Variants in SLC18B1 observed in about 807,000 individuals in gnomAD.
SLC18B1 encodes MFS-type transporter SLC18B1.
A neutral mutation model predicts 53.9 loss-of-function variants in SLC18B1; 62 were observed. That is an observed-to-expected ratio of 1.15 (90% CI 0.94 to 1.42). SLC18B1 has a LOEUF of 1.42. Ranked by LOEUF, SLC18B1 falls within the 40% of genes most tolerant of loss-of-function variation. The probability of loss-of-function intolerance (pLI) is 0.00; values close to 1 mark genes in which losing one functional copy is unlikely to be tolerated. For missense variants in SLC18B1, 598 were observed against 547.3 expected, an observed-to-expected ratio of 1.09 and a Z score of -0.93; for synonymous variants, 217 against 200.9, an observed-to-expected ratio of 1.08 and a Z score of -0.68.
chr6:132,789,389 C>T (rs527748082), intron 4 of SLC18B1: 69 of 163,874 alleles, frequency 4.2e-4, no homozygotes, highest in African/African-American at 1.6e-3. Flanking sequence ...AAAAATTTCT[C>T]GTGACATCGT....
At chr6:132,786,047 T>C (rs946317940) in intron 5 of SLC18B1, among the ~76,000 whole-genome samples, 22 of 152,270 alleles carry the variant, frequency 1.4e-4, no homozygotes, top group African/African-American at 5.1e-4. Context: ...GAACTGGGCA[T>C]CTCTAAGTTA....
chr6:132,776,749 A>G (rs977353660), intron 7 of SLC18B1, among the ~76,000 whole-genome samples: 3 of 152,148 alleles, frequency 2.0e-5, no homozygotes, highest in Non-Finnish European at 4.4e-5. Flanking sequence ...TTACCTGGAG[A>G]ACTTGCTAAA....
At chr6:132,780,977 C>T (rs1395781984) in intron 6 of SLC18B1, among the ~76,000 whole-genome samples, 1 of 152,102 alleles carries the variant, frequency 6.6e-6, no homozygotes, top group Admixed American at 6.6e-5. Context: ...AGGAGAAACA[C>T]CACTGTGTGG....
chr6:132,772,054 T>C, intron 11 of SLC18B1, 78 bp downstream of exon 11: 1 of 999,258 alleles, frequency 1.0e-6, no homozygotes, highest in Non-Finnish European at 1.5e-6. Context: ...ATCGCACCAT[T>C]GCACTCCAGC....
chr6:132,770,284 G>T lies in SLC18B1; in HGVS notation c.1357C>A (p.Pro453Thr). ...GATCCATCGGACTAGGTTTCATTAG[G>T]CAAGAGAGTAGTTCGTTCCTCCTCT... ...STEEERTTLL[P>T]NET Residue 453 changes from proline (P) to threonine (T), a missense_variant, in exon 14 of 14, where the codon CCT (proline) becomes ACT (threonine). Transcript: ENST00000275227. 1 of 1,613,440 alleles carries T rather than the reference G, an allele frequency of 6.2e-7. No homozygotes were observed. The highest frequency in any genetic ancestry group is 8.5e-7 in the Non-Finnish European group (1 of 1,179,386).
intron 8 of SLC18B1, 81 bp downstream of exon 8, chr6:132,776,247 C>T: frequency 9.2e-7 from 1 of 1,084,104 alleles, no homozygotes; most frequent in Non-Finnish European, 1.4e-6. Context: ...CCAGTGGAAT[C>T]CTAGAGTTCC....
chr6:132,789,715 CA>C, intron 4 of SLC18B1, 48 bp downstream of exon 4: 1 of 1,234,976 alleles, frequency 8.1e-7, no homozygotes, highest in Non-Finnish European at 1.2e-6. Flanking sequence ...ACAGAAGATA[CA>C]TTACAAAATC....
At chr6:132,777,922 G>A (rs2114666214) in intron 7 of SLC18B1, among the ~76,000 whole-genome samples, 1 of 152,290 alleles carries the variant, frequency 6.6e-6, no homozygotes, top group East Asian at 1.9e-4. Context: ...CGTGTAAACA[G>A]ACCACCAAAC....
At chr6:132,779,455 T>G in intron 6 of SLC18B1, 51 bp from the exon 7 acceptor site, 1 of 1,558,108 alleles carries the variant, frequency 6.4e-7, no homozygotes. Context: ...AATTAAAATC[T>G]CTTAATTTTA....
intron 6 of SLC18B1, among the ~76,000 whole-genome samples, chr6:132,780,565 GTTTTTTTTTTT>G (rs10537572): frequency 2.6e-5 from 2 of 75,902 alleles, no homozygotes; most frequent in African/African-American, 5.8e-5. Flanking sequence ...CGTGGTGTTA[GTTTTTTTTTTT>G]TTTTTTTTTT....
chr6:132,792,359 A>G (rs567687419), intron 2 of SLC18B1, among the ~76,000 whole-genome samples: 29 of 136,106 alleles, frequency 2.1e-4, no homozygotes, highest in Admixed American at 7.8e-4. Flanking sequence ...AAGGAAGGGA[A>G]AGAAAGAAAA....
chr6:132,792,283 G>GAAAGAAAGAAA (rs71003613), intron 2 of SLC18B1, among the ~76,000 whole-genome samples: 9 of 49,030 alleles, frequency 1.8e-4, no homozygotes, highest in African/African-American at 8.9e-4. Flanking sequence ...AAGAAAGAAA[G>GAAAGAAAGAAA]GAAGAAAGGA....
In SLC18B1 at chr6:132,790,191, C is replaced by A; in HGVS notation, c.265G>T (p.Val89Leu). The change falls in exon 3 of 14, where the codon GTA (valine) becomes TTA (leucine). Residue 89 changes from valine (V) to leucine (L), a missense_variant. Physicochemically the swap from Val to Leu is conservative, Grantham distance 32. Coordinates refer to ENST00000275227, the MANE Select transcript of SLC18B1 (RefSeq NM_052831.3). The stretch of plus-strand genomic sequence containing the variant: ...TTTATACTTACATAGTTTCCAAATA[C>A]CAAGGATGCCAGCAACTCGAACAAA... ...FALFELLASL[V>L]FGNYLVHIGA... is the part of the protein sequence containing the mutation. The A allele has an allele frequency of 6.4e-7, 1 of 1,569,196 alleles. No individual in the cohort carries two copies. The highest frequency in any genetic ancestry group is 8.7e-7 in the Non-Finnish European group (1 of 1,155,588).
chr6:132,778,698 T>C (rs1582859052), intron 7 of SLC18B1, among the ~76,000 whole-genome samples: 1 of 152,220 alleles, frequency 6.6e-6, no homozygotes, highest in East Asian at 1.9e-4. Context: ...GACTTCACTG[T>C]GTCAGTAATA....
At chr6:132,794,727 T>G (rs1781628640) in intron 2 of SLC18B1, among the ~76,000 whole-genome samples, 1 of 152,168 alleles carries the variant, frequency 6.6e-6, no homozygotes, top group Non-Finnish European at 1.5e-5. Context: ...CCAGGTGCGG[T>G]GGCTCACACC....
intron 1 of SLC18B1, 88 bp downstream of exon 1, chr6:132,798,326 A>G: frequency 7.5e-7 from 1 of 1,325,778 alleles, no homozygotes; most frequent in Non-Finnish European, 9.9e-7. Context: ...GAAACAGATC[A>G]AGCTATAAGC....
chr6:132,786,740 G>C (rs1582867202), intron 5 of SLC18B1, among the ~76,000 whole-genome samples: 1 of 152,120 alleles, frequency 6.6e-6, no homozygotes, highest in Non-Finnish European at 1.5e-5. Context: ...TACCGACTAT[G>C]ATATGAAGTG....
chr6:132,780,982 G>C (rs959724312), intron 6 of SLC18B1, among the ~76,000 whole-genome samples: 3 of 152,152 alleles, frequency 2.0e-5, no homozygotes, highest in Non-Finnish European at 4.4e-5. Flanking sequence ...AAACACCACT[G>C]TGTGGCTCAG....
chr6:132,792,922 C>G (rs779393572), intron 2 of SLC18B1, among the ~76,000 whole-genome samples: 14 of 152,104 alleles, frequency 9.2e-5, no homozygotes, highest in Non-Finnish European at 1.9e-4. Context: ...AGTTCGAGAC[C>G]AGCCTGGCCA....
Sources: allele counts gnomAD v4.1 joint callset (sites outside exome capture counted in the v4.1 genomes callset), GRCh38; gene constraint gnomAD v4.1.1; transcripts MANE v1.5; gene names NCBI Gene and HGNC (gene_info 2026-07-23, HGNC 2026-07-21).